The following HK3 variants were observed in gnomAD, a reference collection of about 807,000 sequenced individuals.
HK3 encodes hexokinase-3.
In HK3, 93 loss-of-function variants were observed where a neutral mutation model predicts 91.0. The ratio of observed to expected loss-of-function variants is 1.02; its 90% CI spans 0.86 to 1.21. The LOEUF is 1.21. HK3 is among the 50% of genes most tolerant of loss of function. The pLI is 0.00. For synonymous variants in HK3, 519 were observed against 516.9 expected (o/e 1.00, Z -0.06); for missense variants, 1,235 against 1,247.4 (o/e 0.99, Z 0.15).
chr5:176,898,036 G>A (rs1410750561), intron 1 of HK3, among the ~76,000 whole-genome samples: 2 of 152,246 alleles, frequency 1.3e-5, no homozygotes, highest in African/African-American at 2.4e-5. Flanking sequence ...CTGCCTGCGC[G>A]CATCCCTCAC....
Position 176,891,161 on chromosome 5 carries a change from C to T in HK3, c.290G>A (p.Gly97Glu), listed in dbSNP as rs147731204. The change falls in exon 4 of 19, where the codon GGG (glycine) becomes GAG (glutamate). Residue 97 changes from glycine to glutamate, a missense_variant. This residue lies in a region of HK3 where 717 missense variants were observed against 751.6 expected (regional missense o/e 0.95). Transcript: ENST00000292432. ...EQGDFVVLEL[G>E]ATGASLRVLW... ...AACACGCAGTGAGGCCCCTGTGGCC[C>T]CCAGCTCCAGCACCACGAAGTCTCC... is the stretch of plus-strand genomic sequence containing the variant. The T allele has an allele frequency of 1.9e-3, 3,031 of 1,614,178 alleles. 5 individuals carry two copies. The highest frequency in any genetic ancestry group is 2.3e-3 in the Non-Finnish European group (2,714 of 1,180,048).
chr5:176,883,871 T>C lies in HK3; in HGVS notation c.1954-2A>G, dbSNP rs1462029250. 1 of 1,613,978 alleles carries C rather than the reference T, an allele frequency of 6.2e-7. No homozygotes were observed. Among genetic ancestry groups the C allele is most frequent in the Non-Finnish European group, 8.5e-7 (1 of 1,179,904 alleles). On this transcript the variant is annotated splice_acceptor_variant, in intron 14 of 18. Coordinates refer to ENST00000292432, the MANE Select transcript of HK3 (RefSeq NM_002115.3). LOFTEE classifies it high-confidence loss of function. ...GGCAACCACATTCAGCTCCACTGCC[T>C]GCACACAAAAGGATGCTGCTAGTTG... is the stretch of plus-strand genomic sequence containing the variant.
At chr5:176,885,746 C>A (rs766826083) in intron 13 of HK3, among the ~76,000 whole-genome samples, 1 of 152,022 alleles carries the variant, frequency 6.6e-6, no homozygotes, top group Non-Finnish European at 1.5e-5. Flanking sequence ...AGTTCAGTTA[C>A]AGAAAATTAA....
At chr5:176,888,645 CAG>C (rs1217725853) in intron 9 of HK3, 62 bp downstream of exon 9, 1 of 1,611,546 alleles carries the variant, frequency 6.2e-7, no homozygotes, top group Non-Finnish European at 8.5e-7. Flanking sequence ...ACCTTGGGAA[CAG>C]AGTATCATCC....
chr5:176,884,119 A>G lies in HK3; in HGVS notation c.1873T>C (p.Trp625Arg). The stretch of plus-strand genomic sequence containing the variant: ...TCTGATGCCTTGAAACCCTTGGTCC[A>G]GTTCAGGAGGATGCCCTGGGGTGAG... ...LGLDQGILLN[W>R]TKGFKASDCE... The change falls in exon 14 of 19, where the codon TGG becomes CGG. Residue 625 changes from tryptophan (W) to arginine (R), a missense_variant. Transcript: ENST00000292432. The surrounding 1 kb of genome is among the most constrained non-coding windows in gnomAD (Gnocchi z 4.1). 6.2e-7 allele frequency: 1 copy of G among 1,614,054 alleles called. No individual in the cohort carries two copies. Among genetic ancestry groups the G allele is most frequent in the Non-Finnish European group, 8.5e-7 (1 of 1,179,992 alleles).
In HK3 at chr5:176,883,851, C is replaced by A; in HGVS notation, c.1972G>T (p.Val658Phe). The A allele has an allele frequency of 1.9e-6, 3 of 1,614,092 alleles. No individual in the cohort carries two copies. The highest frequency in any genetic ancestry group is 2.5e-6 in the Non-Finnish European group (3 of 1,179,996). ...TRRQAVELNV[V>F]AIVNDTVGTM... ...CCCACCGTGTCATTGACAATGGCAA[C>A]CACATTCAGCTCCACTGCCTGCACA... is the stretch of plus-strand genomic sequence containing the variant. The change falls in exon 15 of 19, where the codon GTT becomes TTT. Residue 658 changes from valine to phenylalanine, a missense_variant. Coordinates refer to ENST00000292432, the MANE Select transcript of HK3 (RefSeq NM_002115.3).
chr5:176,885,882 C>T (rs1758573097), intron 13 of HK3, among the ~76,000 whole-genome samples: 1 of 151,952 alleles, frequency 6.6e-6, no homozygotes, highest in Admixed American at 6.6e-5. Flanking sequence ...AGCAGCCAAG[C>T]AGCAAGACTG....
At position 176,888,893 on chromosome 5, in the gene HK3, G is replaced by A. The variant is rs1488453522; in HGVS notation, c.915-29C>T. ...CAGGGGGGAAGGGTGGCTGGAGGAA[G>A]CCTTTTCTAAGCCCTCAGTCCACCT... On this transcript the variant is annotated intron_variant, in intron 8 of 18. Coordinates refer to ENST00000292432, the MANE Select transcript of HK3 (RefSeq NM_002115.3). 1.9e-6 allele frequency: 3 copies of A among 1,605,052 alleles called. No individual in the cohort carries two copies. In the African/African-American group the frequency reaches 4.0e-5, roughly 22 times the overall value.
Position 176,881,528 on chromosome 5 carries a change from G to A in HK3, c.2401C>T (p.Leu801=), listed in dbSNP as rs573301594. The part of the protein sequence containing the change: ...KFLSEIESDS[L]ALRQVRAILE... ...ATGGCTCGGACCTGCCGCAGGGCCAGGCTGTCACTGGGGGCCAGGAAGGAA... is the reference window on the plus strand; with the variant it reads ...ATGGCTCGGACCTGCCGCAGGGCCAAGCTGTCACTGGGGGCCAGGAAGGAA... Residue 801 remains leucine, a synonymous_variant, in exon 18 of 19, where the codon CTG becomes TTG. Transcript: ENST00000292432. 14 of 1,602,446 alleles carry A rather than the reference G, an allele frequency of 8.7e-6. No homozygotes were observed. The South Asian group carries it at 1.1e-4, about 13-fold the overall frequency.
intron 2 of HK3, among the ~76,000 whole-genome samples, chr5:176,895,678 A>G (rs1758894112): frequency 6.6e-6 from 1 of 152,192 alleles, no homozygotes; most frequent in Non-Finnish European, 1.5e-5. Flanking sequence ...CGGGAAAGGA[A>G]AGGTCTCAAG....
chr5:176,881,146 T>G lies in HK3; in HGVS notation c.2699A>C (p.Glu900Ala), dbSNP rs1758413919. The G allele has an allele frequency of 6.2e-7, 1 of 1,612,990 alleles. No individual in the cohort carries two copies. Among genetic ancestry groups the G allele is most frequent in the Non-Finnish European group, 8.5e-7 (1 of 1,179,918 alleles). ...GGCCGCACCTTTGCCGGACCCATCC[T>G]CTGACTGCAGGAACGTGACCACACA... The part of the protein sequence containing the change: ...PRCVVTFLQS[E>A]DGSGKGAALV... Residue 900 changes from glutamate to alanine, a missense_variant, in exon 19 of 19, where the codon GAG (glutamate) becomes GCG (alanine). Glu to Ala is a moderately radical substitution (Grantham distance 107). This residue lies in a region of HK3 where 513 missense variants were observed against 477.4 expected (regional missense o/e 1.07). Transcript: ENST00000292432.
At position 176,881,161 on chromosome 5, in the gene HK3, G is replaced by A. The variant is rs1372424337; in HGVS notation, c.2684C>T (p.Thr895Met). ...VRELAPRCVV[T>M]FLQSEDGSGK... Reference sequence around the variant, plus strand: ...GGACCCATCCTCTGACTGCAGGAACGTGACCACACAGCGAGGGGCCAGCTC... The same window carrying A: ...GGACCCATCCTCTGACTGCAGGAACATGACCACACAGCGAGGGGCCAGCTC... The change falls in exon 19 of 19, where the codon ACG becomes ATG. Residue 895 changes from threonine to methionine, a missense_variant. Around this residue, in one of 3 missense-constraint regions of HK3, gnomAD observed 513 missense variants for 477.4 expected, o/e 1.07. Transcript: ENST00000292432. The A allele has an allele frequency of 9.9e-6, 16 of 1,613,000 alleles. No individual in the cohort carries two copies. Among genetic ancestry groups the A allele is most frequent in the Middle Eastern group, 1.6e-4 (1 of 6,082 alleles).
At chr5:176,886,569 T>C (rs1336238205) in intron 13 of HK3, among the ~76,000 whole-genome samples, 1 of 151,970 alleles carries the variant, frequency 6.6e-6, no homozygotes, top group Non-Finnish European at 1.5e-5. Flanking sequence ...TCTTAGCCTG[T>C]GCCTGGCACT....
chr5:176,888,406 G>A lies in HK3; in HGVS notation c.1230C>T (p.Leu410=). ...GTGTTTGTTGCTCCCGGCTGTGCTG[G>A]AGGCAGGAGAGAACAGCGGCCAGGG... ...AAALAAVLSC[L]QHSREQQTLQ... is the part of the protein sequence containing the mutation. Residue 410 remains leucine, a synonymous_variant, in exon 10 of 19, where the codon CTC becomes CTT. Coordinates refer to ENST00000292432, the MANE Select transcript of HK3 (RefSeq NM_002115.3). 1 of 1,562,900 alleles carries A rather than the reference G, an allele frequency of 6.4e-7. No homozygotes were observed. Among genetic ancestry groups the A allele is most frequent in the East Asian group, 2.4e-5 (1 of 42,016 alleles).
intron 2 of HK3, among the ~76,000 whole-genome samples, chr5:176,895,371 C>T (rs2149378475): frequency 6.6e-6 from 1 of 152,324 alleles, no homozygotes; most frequent in Non-Finnish European, 1.5e-5. Context: ...GCCACCGCGC[C>T]CGGCCATAGG....
In HK3 at chr5:176,882,107, A is replaced by G; in HGVS notation, c.2074T>C (p.Tyr692His). Residue 692 changes from tyrosine (Y) to histidine (H), a missense_variant, in exon 16 of 19, where the codon TAC (tyrosine) becomes CAC (histidine). Physicochemically the swap from Tyr to His is moderately conservative, Grantham distance 83 (BLOSUM62 2). Transcript: ENST00000292432. ...LIVGTGTNACYMEELRNVAGV... is the reference protein window; with the variant it reads ...LIVGTGTNACHMEELRNVAGV... ...GCCACATTCCGGAGCTCCTCCATGT[A>G]GCAGGCATTGGTGCCGGTTCCTGCA... is the stretch of plus-strand genomic sequence containing the variant. 6.2e-7 allele frequency: 1 copy of G among 1,613,126 alleles called. No individual in the cohort carries two copies. Among genetic ancestry groups the G allele is most frequent in the Non-Finnish European group, 8.5e-7 (1 of 1,180,020 alleles).
chr5:176,890,017 A>T (rs1453189470), intron 6 of HK3, among the ~76,000 whole-genome samples: 1 of 152,030 alleles, frequency 6.6e-6, no homozygotes, highest in Non-Finnish European at 1.5e-5. Flanking sequence ...CAGGACCAGG[A>T]TGAGTTTCCT....
intron 10 of HK3, among the ~76,000 whole-genome samples, 197 bp downstream of exon 10, chr5:176,888,135 C>T (rs1470483605): frequency 6.6e-6 from 1 of 152,186 alleles, no homozygotes; most frequent in Non-Finnish European, 1.5e-5. Flanking sequence ...TGGCCTCCAC[C>T]CTTGCACACA....
Position 176,896,091 on chromosome 5 carries a change from C to A in HK3, c.69G>T (p.Leu23Phe), listed in dbSNP as rs1386513208. The A allele has an allele frequency of 6.2e-7, 1 of 1,613,640 alleles. No homozygotes were observed. The highest frequency in any genetic ancestry group is 8.5e-7 in the Non-Finnish European group (1 of 1,179,772). The change falls in exon 2 of 19, where the codon TTG becomes TTT. Residue 23 changes from leucine to phenylalanine, a missense_variant. Transcript: ENST00000292432. ...EETLSCSEEG[L>F]PGPSDSSELV... The stretch of plus-strand genomic sequence containing the variant: ...GCTCTGAGCTGTCTGAGGGCCCGGG[C>A]AAGCCCTCCTCAGAGCAACTCAGGG...
Sources: gnomAD v4.1 joint callset for allele counts (sites outside exome capture counted in the v4.1 genomes callset) on GRCh38, gnomAD v4.1.1 for gene constraint, gnomAD v4.1.1 regional missense constraint, Gnocchi (gnomAD v3.1) non-coding constraint, MANE v1.5 for transcripts, NCBI Gene and HGNC (gene_info 2026-07-23, HGNC 2026-07-21) for gene names.